RREB1: variants seen among roughly 807,000 people sequenced by gnomAD.
RREB1 encodes the protein ras responsive element binding protein 1.
A neutral mutation model predicts 117.8 loss-of-function variants in RREB1; 27 were observed. That is an observed-to-expected ratio of 0.23 (90% CI 0.17 to 0.32). RREB1 has a LOEUF of 0.32. Ranked by LOEUF, RREB1 falls within the 10% of genes least tolerant of loss-of-function variation. RREB1 has a pLI of 1.00. For synonymous variants in RREB1, 1,298 were observed against 1,026.7 expected (o/e 1.26, Z -5.05); for missense variants, 2,577 against 2,378.2 (o/e 1.08, Z -1.74).
chr6:7,198,186 T>C (rs959907247), intron 6 of RREB1, among the ~76,000 whole-genome samples: 4 of 152,174 alleles, frequency 2.6e-5, no homozygotes, highest in African/African-American at 4.8e-5. Flanking sequence ...AGGGTGGAGG[T>C]GACCACTCAA....
At chr6:7,189,625 G>A (rs59431963) in intron 6 of RREB1, among the ~76,000 whole-genome samples, 54,617 of 151,820 alleles carry the variant, frequency 0.36, 9,986 homozygotes, top group South Asian at 0.38. Flanking sequence ...ATGTAAGAGA[G>A]GAACTCTCCA....
intron 1 of RREB1, among the ~76,000 whole-genome samples, chr6:7,160,494 A>G (rs1210384358): frequency 6.6e-6 from 1 of 151,936 alleles, no homozygotes; most frequent in African/African-American, 2.4e-5. Flanking sequence ...CTTTATAAAC[A>G]TTTTCCCATG....
chr6:7,246,742 A>AGGGCGACGGCGAGGC lies in RREB1; in HGVS notation c.4293_4307dup (p.Asp1433_Gly1437dup), dbSNP rs1769073625. 2 of 1,574,938 alleles carry AGGGCGACGGCGAGGC rather than the reference A, an allele frequency of 1.3e-6. No individual in the cohort carries two copies. The highest frequency in any genetic ancestry group is 1.7e-6 in the Non-Finnish European group (2 of 1,160,806). On this transcript the variant is annotated inframe_insertion, in exon 12 of 13. Coordinates refer to ENST00000379938, the MANE Select transcript of RREB1 (RefSeq NM_001003699.4). ...AAGCTCATGGACTTCAAGCTGGCGG[A>AGGGCGACGGCGAGGC]GGGCGACGGCGAGGCAGGCGCCGGG...
At chr6:7,152,560 G>T (rs1268041622) in intron 1 of RREB1, among the ~76,000 whole-genome samples, 2 of 152,190 alleles carry the variant, frequency 1.3e-5, no homozygotes, top group African/African-American at 4.8e-5. Context: ...GTGACCAAAT[G>T]CATCACATGA....
chr6:7,126,260 A>G (rs1205428755), intron 1 of RREB1, among the ~76,000 whole-genome samples: 1 of 151,654 alleles, frequency 6.6e-6, no homozygotes, highest in Non-Finnish European at 1.5e-5. Context: ...TTGGCCTCCC[A>G]AAGTGCTGGG....
At chr6:7,111,056 G>C (rs1386790156) in intron 1 of RREB1, among the ~76,000 whole-genome samples, 2 of 152,076 alleles carry the variant, frequency 1.3e-5, no homozygotes, top group Non-Finnish European at 2.9e-5. Context: ...AAATTTCTTC[G>C]GGCAGACTCC....
chr6:7,180,034 G>T (rs946995015), intron 2 of RREB1, among the ~76,000 whole-genome samples: 3 of 151,980 alleles, frequency 2.0e-5, no homozygotes, highest in Admixed American at 6.6e-5. Context: ...ATGTTTTTTT[G>T]GGGGGTGGGG....
intron 3 of RREB1, 82 bp from the exon 4 acceptor site, chr6:7,181,788 A>G (rs984429208): frequency 4.3e-6 from 4 of 934,654 alleles, no homozygotes; most frequent in Non-Finnish European, 6.9e-6. Context: ...AATTACAATT[A>G]GAGTAGCCAT....
At chr6:7,192,932 T>C (rs2113565262) in intron 6 of RREB1, among the ~76,000 whole-genome samples, 1 of 152,348 alleles carries the variant, frequency 6.6e-6, no homozygotes, top group Middle Eastern at 3.4e-3. Context: ...CTATCCATTT[T>C]CGTATAAGCA....
rs550374731 is a variant in RREB1, at chr6:7,246,898, C to T, written c.4448C>T (p.Ala1483Val). 5.0e-5 allele frequency: 77 copies of T among 1,553,600 alleles called. No homozygotes were observed. The South Asian group carries it at 8.2e-4, about 16-fold the overall frequency. Reference protein sequence around the residue: ...QEPKDEKGDGASTAEEGPQPA... With the variant: ...QEPKDEKGDGVSTAEEGPQPA... ...CCCAAGGACGAGAAGGGAGATGGCG[C>T]CAGCACTGCAGAGGAGGGGCCCCAG... Residue 1483 changes from alanine to valine, a missense_variant, in exon 12 of 13, where the codon GCC becomes GTC. Transcript: ENST00000379938.
chr6:7,119,019 A>G (rs1304783320), intron 1 of RREB1, among the ~76,000 whole-genome samples: 1 of 151,852 alleles, frequency 6.6e-6, no homozygotes, highest in Non-Finnish European at 1.5e-5. Flanking sequence ...AATATCCACT[A>G]TGCAAGGCTA....
chr6:7,246,988 G>C lies in RREB1; in HGVS notation c.4538G>C (p.Gly1513Ala), dbSNP rs369802211. The change falls in exon 12 of 13, where the codon GGT (glycine) becomes GCT (alanine). Residue 1513 changes from glycine (G) to alanine (A), a missense_variant. By Grantham distance (60) the Gly-to-Ala change is moderately conservative (BLOSUM62 0). Coordinates refer to ENST00000379938, the MANE Select transcript of RREB1 (RefSeq NM_001003699.4). Reference sequence around the variant, plus strand: ...GCAGAGGTGGTGGAGTCGGCCCCGGGTGCCGGGGAGGCCCCGGCGGAAAAG... The same window carrying C: ...GCAGAGGTGGTGGAGTCGGCCCCGGCTGCCGGGGAGGCCCCGGCGGAAAAG... ...TPAEVVESAP[G>A]AGEAPAEKLA... is the part of the protein sequence containing the mutation. The C allele has an allele frequency of 1.2e-5, 19 of 1,592,982 alleles. No individual in the cohort carries two copies. Among genetic ancestry groups the C allele is most frequent in the Non-Finnish European group, 1.5e-5 (18 of 1,170,546 alleles).
At position 7,210,961 on chromosome 6, in the gene RREB1, C is replaced by T. The variant is rs750614020; in HGVS notation, c.570+13C>T. The T allele has an allele frequency of 1.6e-5, 25 of 1,611,796 alleles. No individual in the cohort carries two copies. The East Asian group carries it at 5.3e-4, about 34-fold the overall frequency. On this transcript the variant is annotated intron_variant, in intron 7 of 12. Coordinates refer to ENST00000379938, the MANE Select transcript of RREB1 (RefSeq NM_001003699.4). Reference sequence around the variant, plus strand: ...ACCAGCTAAAAAGGTCCTCTTGGCTCCCAGTGCAGATTCACCTGCTCAGGG... The same window carrying T: ...ACCAGCTAAAAAGGTCCTCTTGGCTTCCAGTGCAGATTCACCTGCTCAGGG...
At chr6:7,237,897 A>G (rs929103532) in intron 10 of RREB1, among the ~76,000 whole-genome samples, 5 of 152,092 alleles carry the variant, frequency 3.3e-5, no homozygotes, top group African/African-American at 1.2e-4. Context: ...CACATCATGG[A>G]TTGTTTTCTG....
At chr6:7,227,504 G>C (rs1450681760) in intron 9 of RREB1, among the ~76,000 whole-genome samples, 6 of 151,652 alleles carry the variant, frequency 4.0e-5, no homozygotes, top group African/African-American at 1.5e-4. Context: ...TCGCGCCACT[G>C]CACTCCAGCC....
rs751694303 is a variant in RREB1 at position 7,230,470 on chromosome 6, G to C, written c.2371G>C (p.Glu791Gln). The C allele has an allele frequency of 3.1e-6, 5 of 1,593,580 alleles. No individual in the cohort carries two copies. Among genetic ancestry groups the C allele is most frequent in the East Asian group, 2.2e-5 (1 of 44,654 alleles). Residue 791 changes from glutamate (E) to glutamine (Q), a missense_variant, in exon 10 of 13, where the codon GAG becomes CAG. Coordinates refer to ENST00000379938, the MANE Select transcript of RREB1 (RefSeq NM_001003699.4). ...GGGHKGRKPF[E>Q]CKECSAAFAA... Reference sequence around the variant, plus strand: ...GGGCCACAAGGGCCGCAAGCCCTTCGAGTGCAAGGAGTGCAGCGCCGCGTT... The same window carrying C: ...GGGCCACAAGGGCCGCAAGCCCTTCCAGTGCAAGGAGTGCAGCGCCGCGTT...
At chr6:7,191,112 C>G (rs868130134) in intron 6 of RREB1, among the ~76,000 whole-genome samples, 3 of 152,176 alleles carry the variant, frequency 2.0e-5, no homozygotes, top group Admixed American at 6.5e-5. Flanking sequence ...TTATTGTCTT[C>G]TACAATAACC....
intron 1 of RREB1, among the ~76,000 whole-genome samples, chr6:7,114,970 C>A (rs546350996): frequency 1.3e-4 from 20 of 149,212 alleles, no homozygotes; most frequent in African/African-American, 4.7e-4. Flanking sequence ...CCTTCATGTT[C>A]TAAGTTATGT....
chr6:7,152,993 T>G (rs889680157), intron 1 of RREB1, among the ~76,000 whole-genome samples: 1 of 152,184 alleles, frequency 6.6e-6, no homozygotes, highest in African/African-American at 2.4e-5. Flanking sequence ...CTTTTAATTT[T>G]GTGTATTTCA....
Sources: allele counts gnomAD v4.1 joint callset (sites outside exome capture counted in the v4.1 genomes callset), GRCh38; gene constraint gnomAD v4.1.1; transcripts MANE v1.5; gene names NCBI Gene and HGNC (gene_info 2026-07-23, HGNC 2026-07-21).